ZCCHC7: variants seen among roughly 807,000 people sequenced by gnomAD.
The protein encoded by ZCCHC7 is zinc finger CCHC domain-containing protein 7.
ZCCHC7 carries 35 observed loss-of-function variants against 52.0 expected under a neutral mutation model. That is an observed-to-expected ratio of 0.67 (90% CI 0.51 to 0.89). ZCCHC7 has a LOEUF of 0.89. Ranked by LOEUF, ZCCHC7 falls within the 40% of genes least tolerant of loss-of-function variation. The pLI, the probability that ZCCHC7 is intolerant of heterozygous loss-of-function variation, is 0.00. For missense variants in ZCCHC7, 574 were observed against 649.1 expected (o/e 0.88, Z 1.26); for synonymous variants, 217 against 221.5 (o/e 0.98, Z 0.18).
intron 2 of ZCCHC7, among the ~76,000 whole-genome samples, chr9:37,295,920 A>AG (rs1283749272): frequency 6.6e-6 from 1 of 152,170 alleles, no homozygotes; most frequent in Non-Finnish European, 1.5e-5. Context: ...GAAACCACAA[A>AG]GGGGGACAAG....
chr9:37,149,097 C>T (rs892256679), intron 2 of ZCCHC7, among the ~76,000 whole-genome samples: 1 of 152,078 alleles, frequency 6.6e-6, no homozygotes, highest in Non-Finnish European at 1.5e-5. Context: ...GTAGTCAAAG[C>T]TTTTGTGTAA....
chr9:37,213,959 G>A (rs76708495), intron 2 of ZCCHC7, among the ~76,000 whole-genome samples: 7,716 of 151,882 alleles, frequency 0.051, 643 homozygotes, highest in African/African-American at 0.17. Flanking sequence ...AAGTTTTTAG[G>A]TCCTTAACCA....
intron 7 of ZCCHC7, 106 bp downstream of exon 7, chr9:37,349,558 A>G: frequency 9.4e-7 from 1 of 1,068,660 alleles, no homozygotes; most frequent in East Asian, 2.6e-5. Flanking sequence ...TTTTTAATAA[A>G]CATTAAAGTA....
At chr9:37,356,558 C>T (rs1336053753) in intron 8 of ZCCHC7, among the ~76,000 whole-genome samples, 1 of 152,232 alleles carries the variant, frequency 6.6e-6, no homozygotes, top group Non-Finnish European at 1.5e-5. Flanking sequence ...CTTCACAAAG[C>T]TAAGATGATT....
At chr9:37,255,387 G>C (rs1196091446) in intron 2 of ZCCHC7, among the ~76,000 whole-genome samples, 1 of 152,058 alleles carries the variant, frequency 6.6e-6, no homozygotes, top group Non-Finnish European at 1.5e-5. Context: ...ATGGCTACTA[G>C]GTGACTTACA....
At chr9:37,275,402 A>G (rs1233065831) in intron 2 of ZCCHC7, among the ~76,000 whole-genome samples, 2 of 151,312 alleles carry the variant, frequency 1.3e-5, no homozygotes, top group Non-Finnish European at 2.9e-5. Context: ...CCTTAATAAA[A>G]CATTATAAAG....
intron 7 of ZCCHC7, 127 bp downstream of exon 7, chr9:37,349,579 T>C (rs1160870091): frequency 2.4e-5 from 22 of 904,966 alleles, no homozygotes; most frequent in Non-Finnish European, 3.3e-5. Flanking sequence ...AGACTTAATA[T>C]ATTTTCAACT....
chr9:37,262,485 G>A (rs990764306), intron 2 of ZCCHC7, among the ~76,000 whole-genome samples: 1 of 151,980 alleles, frequency 6.6e-6, no homozygotes, highest in African/African-American at 2.4e-5. Flanking sequence ...TTTCTTAATG[G>A]CAGTATCTTC....
chr9:37,121,526 G>C (rs1490311086), intron 1 of ZCCHC7: 2 of 152,136 alleles, frequency 1.3e-5, no homozygotes, highest in Non-Finnish European at 2.9e-5. Flanking sequence ...CTTCGTGTTT[G>C]AATAGTTAGG....
At chr9:37,128,389 C>G (rs1438996681) in intron 2 of ZCCHC7, among the ~76,000 whole-genome samples, 1 of 152,064 alleles carries the variant, frequency 6.6e-6, no homozygotes, top group Non-Finnish European at 1.5e-5. Context: ...TAATTGGAAG[C>G]TTAGAATGTG....
At chr9:37,120,774 C>T (rs780158709) in intron 1 of ZCCHC7, 151 bp downstream of exon 1, 7 of 338,180 alleles carry the variant, frequency 2.1e-5, no homozygotes, top group Admixed American at 4.9e-5. Context: ...GGCGCAGCTC[C>T]TGGTCCGTCA....
At chr9:37,222,435 A>G (rs1242427444) in intron 2 of ZCCHC7, among the ~76,000 whole-genome samples, 1 of 151,134 alleles carries the variant, frequency 6.6e-6, no homozygotes, top group African/African-American at 2.4e-5. Flanking sequence ...TAATTTGGGG[A>G]AAGGATGGAT....
chr9:37,297,535 CT>C (rs1249382319), intron 2 of ZCCHC7, among the ~76,000 whole-genome samples: 2 of 152,138 alleles, frequency 1.3e-5, no homozygotes, highest in Non-Finnish European at 2.9e-5. Context: ...ACATACCTAC[CT>C]TTTGGTGAAA....
intron 2 of ZCCHC7, among the ~76,000 whole-genome samples, chr9:37,262,173 A>T (rs1340761054): frequency 6.6e-6 from 1 of 152,132 alleles, no homozygotes; most frequent in African/African-American, 2.4e-5. Flanking sequence ...ATGATCCAAG[A>T]GAAAGTGTGC....
chr9:37,193,130 T>A (rs1823103464), intron 2 of ZCCHC7, among the ~76,000 whole-genome samples: 1 of 152,218 alleles, frequency 6.6e-6, no homozygotes, highest in South Asian at 2.1e-4. Flanking sequence ...TGACTTGATT[T>A]CAATGAAAGT....
At chr9:37,200,863 G>A (rs1333096186) in intron 2 of ZCCHC7, among the ~76,000 whole-genome samples, 1 of 152,166 alleles carries the variant, frequency 6.6e-6, no homozygotes, top group Non-Finnish European at 1.5e-5. Flanking sequence ...CATTAGAAAT[G>A]CATGTGTTTT....
chr9:37,226,775 A>G (rs1005281284), intron 2 of ZCCHC7, among the ~76,000 whole-genome samples: 1 of 152,192 alleles, frequency 6.6e-6, no homozygotes, highest in South Asian at 2.1e-4. Flanking sequence ...TCATGCCTGT[A>G]ATCCCAGCAC....
intron 2 of ZCCHC7, among the ~76,000 whole-genome samples, chr9:37,184,316 T>C (rs1822531446): frequency 6.6e-6 from 1 of 152,054 alleles, no homozygotes; most frequent in African/African-American, 2.4e-5. Context: ...GTTTGGATCA[T>C]TGATAAAGTA....
At chr9:37,245,439 C>CT (rs746455170) in intron 2 of ZCCHC7, among the ~76,000 whole-genome samples, 2 of 151,948 alleles carry the variant, frequency 1.3e-5, no homozygotes, top group Non-Finnish European at 2.9e-5. Context: ...CAAATAATTT[C>CT]TTAGAAGCCA....
Sources: gnomAD v4.1 joint callset for allele counts (sites outside exome capture counted in the v4.1 genomes callset) on GRCh38, gnomAD v4.1.1 for gene constraint, MANE v1.5 for transcripts, NCBI Gene and HGNC (gene_info 2026-07-23, HGNC 2026-07-21) for gene names.